Variants in NTN1 observed in about 807,000 individuals in gnomAD.
NTN1 encodes the protein netrin-1.
Under a neutral mutation model 54.2 loss-of-function variants are expected in NTN1, and 11 were observed. That is an observed-to-expected ratio of 0.20 (90% confidence interval 0.13 to 0.34). The LOEUF (loss-of-function observed/expected upper bound fraction) is 0.34, where lower values mean the gene tolerates loss of function less well. Ranked by LOEUF, NTN1 falls within the 10% of genes least tolerant of loss-of-function variation. The pLI, the probability that NTN1 is intolerant of heterozygous loss-of-function variation, is 1.00. For synonymous variants in NTN1, 371 were observed against 382.0 expected (o/e 0.97, Z 0.33); for missense variants, 740 against 893.1 (o/e 0.83, Z 2.18).
intron 2 of NTN1, among the ~76,000 whole-genome samples, chr17:9,097,412 C>G (rs1042464270): frequency 6.6e-6 from 1 of 152,106 alleles, no homozygotes; most frequent in African/African-American, 2.4e-5. Flanking sequence ...ATCACGAGGT[C>G]GGGAGTTCAA....
chr17:9,178,667 G>C (rs1433037263), intron 3 of NTN1, among the ~76,000 whole-genome samples: 1 of 152,192 alleles, frequency 6.6e-6, no homozygotes, highest in Non-Finnish European at 1.5e-5. Context: ...GCAGCCACGA[G>C]GGGACACCTG....
intron 5 of NTN1, among the ~76,000 whole-genome samples, chr17:9,210,585 C>G (rs1905079094): frequency 6.6e-6 from 1 of 152,120 alleles, no homozygotes; most frequent in Non-Finnish European, 1.5e-5. Flanking sequence ...ATTCCCACCC[C>G]TTGTAAGTAA....
At chr17:9,043,578 T>TC (rs939058458) in intron 2 of NTN1, among the ~76,000 whole-genome samples, 15 of 90,762 alleles carry the variant, frequency 1.7e-4, no homozygotes, top group Admixed American at 7.9e-4. Flanking sequence ...AATCTCTCTC[T>TC]TTTTTTTTTT....
intron 2 of NTN1, among the ~76,000 whole-genome samples, chr17:9,157,656 C>A (rs2092346778): frequency 6.6e-6 from 1 of 152,232 alleles, no homozygotes; most frequent in African/African-American, 2.4e-5. Context: ...GTGATCCTCA[C>A]ATGATAGCCA....
chr17:9,187,690 G>A (rs2092437974), intron 5 of NTN1, among the ~76,000 whole-genome samples: 1 of 149,170 alleles, frequency 6.7e-6, no homozygotes, highest in African/African-American at 2.5e-5. Context: ...CATTAGCCAG[G>A]CATGGTGATG....
At chr17:9,140,469 G>A (rs1463057609) in intron 2 of NTN1, among the ~76,000 whole-genome samples, 2 of 152,214 alleles carry the variant, frequency 1.3e-5, no homozygotes, top group African/African-American at 4.8e-5. Context: ...GTTCCCCAGA[G>A]TGAAAGCAGT....
At chr17:9,192,774 TGAC>T (rs1291435149) in intron 5 of NTN1, among the ~76,000 whole-genome samples, 1 of 152,172 alleles carries the variant, frequency 6.6e-6, no homozygotes, top group Non-Finnish European at 1.5e-5. Context: ...TGAATGCAGC[TGAC>T]GGTTTAGAAA....
At chr17:9,068,123 C>G (rs1026201965) in intron 2 of NTN1, among the ~76,000 whole-genome samples, 2 of 152,148 alleles carry the variant, frequency 1.3e-5, no homozygotes, top group African/African-American at 4.8e-5. Flanking sequence ...AATAAACTAC[C>G]AGGCTAGAAG....
Position 9,023,270 on chromosome 17 carries a change from C to T in NTN1, c.897C>T (p.Asp299=), listed in dbSNP as rs1302634567. ...GHAARCVRDR[D]DSLVCDCRHN... ...CGGCCCGCTGCGTGCGCGACCGCGACGACAGCCTGGTGTGCGACTGCAGGC... is the reference window on the plus strand; with the variant it reads ...CGGCCCGCTGCGTGCGCGACCGCGATGACAGCCTGGTGTGCGACTGCAGGC... The change falls in exon 2 of 7, where the codon GAC becomes GAT. Residue 299 remains aspartate (D), a synonymous_variant. Transcript: ENST00000173229. The T allele has an allele frequency of 1.9e-6, 3 of 1,559,970 alleles. No homozygotes were observed. Among genetic ancestry groups the T allele is most frequent in the African/African-American group, 1.4e-5 (1 of 73,586 alleles).
chr17:9,225,906 C>A (rs1905523178), intron 6 of NTN1, among the ~76,000 whole-genome samples: 1 of 152,212 alleles, frequency 6.6e-6, no homozygotes, highest in Non-Finnish European at 1.5e-5. Context: ...CGGCTGCCAG[C>A]AGCCCCGGAC....
chr17:9,228,671 G>A (rs1468828925), intron 6 of NTN1, among the ~76,000 whole-genome samples: 1 of 152,178 alleles, frequency 6.6e-6, no homozygotes, highest in Non-Finnish European at 1.5e-5. Context: ...AAGACATTTT[G>A]GCACCACCAG....
chr17:9,227,458 TGTCACACACA>T (rs1422505462), intron 6 of NTN1, among the ~76,000 whole-genome samples: 2 of 141,254 alleles, frequency 1.4e-5, no homozygotes, highest in African/African-American at 2.8e-5. Flanking sequence ...ATACACAGAC[TGTCACACACA>T]GTCACACACA....
chr17:9,089,176 G>T (rs1016696270), intron 2 of NTN1, among the ~76,000 whole-genome samples: 1 of 152,162 alleles, frequency 6.6e-6, no homozygotes, highest in African/African-American at 2.4e-5. Flanking sequence ...ACTTTGGGAG[G>T]CCGAGACTGG....
chr17:9,166,498 C>A (rs537642925), intron 3 of NTN1, among the ~76,000 whole-genome samples: 6 of 152,060 alleles, frequency 3.9e-5, no homozygotes, highest in Non-Finnish European at 7.4e-5. Context: ...CAAGCCACCA[C>A]AACCAGCTAA....
intron 2 of NTN1, among the ~76,000 whole-genome samples, chr17:9,120,435 C>T (rs1455514606): frequency 1.3e-5 from 2 of 152,174 alleles, no homozygotes; most frequent in Admixed American, 6.5e-5. Flanking sequence ...AATGTCCAAG[C>T]GTGAGGGAAC....
chr17:9,133,695 C>A (rs999366037), intron 2 of NTN1, among the ~76,000 whole-genome samples: 1 of 148,864 alleles, frequency 6.7e-6, no homozygotes, highest in Non-Finnish European at 1.5e-5. Flanking sequence ...TCAAGCGATT[C>A]TCCTGCCTCA....
intron 2 of NTN1, among the ~76,000 whole-genome samples, chr17:9,093,814 A>C (rs1029834726): frequency 6.6e-6 from 1 of 152,162 alleles, no homozygotes; most frequent in African/African-American, 2.4e-5. Flanking sequence ...TCTCTTCTAA[A>C]AATATAAAAA....
chr17:9,192,540 G>A (rs2142328991), intron 5 of NTN1, among the ~76,000 whole-genome samples: 1 of 152,260 alleles, frequency 6.6e-6, no homozygotes, highest in South Asian at 2.1e-4. Context: ...GGTGTCGCTG[G>A]CATCTAGTGG....
At chr17:9,228,873 T>TGTATGAGA (rs1567746393) in intron 6 of NTN1, among the ~76,000 whole-genome samples, 3 of 12,254 alleles carry the variant, frequency 2.4e-4, no homozygotes, top group Non-Finnish European at 4.9e-4. Context: ...AGAGTGTGTC[T>TGTATGAGA]GTGTGTGACT....
Sources: allele counts gnomAD v4.1 joint callset (sites outside exome capture counted in the v4.1 genomes callset), GRCh38; gene constraint gnomAD v4.1.1; transcripts MANE v1.5; gene names NCBI Gene and HGNC (gene_info 2026-07-23, HGNC 2026-07-21).